Variants in IPO9 observed in about 807,000 individuals in gnomAD.
The protein encoded by IPO9 is importin-9.
IPO9 carries 28 observed loss-of-function variants against 128.6 expected under a neutral mutation model. The observed-to-expected ratio is 0.22, with a 90% CI of 0.16 to 0.30. The LOEUF (loss-of-function observed/expected upper bound fraction) is 0.30, where lower values mean the gene tolerates loss of function less well. Ranked by LOEUF, IPO9 falls within the 10% of genes least tolerant of loss-of-function variation. The pLI, the probability that IPO9 is intolerant of heterozygous loss-of-function variation, is 1.00. For missense variants in IPO9, 935 were observed against 1,293.9 expected, an observed-to-expected ratio of 0.72 and a Z score of 4.26; for synonymous variants, 455 against 475.8, an observed-to-expected ratio of 0.96 and a Z score of 0.57.
At chr1:201,874,070 C>T (rs926256395) in intron 20 of IPO9, among the ~76,000 whole-genome samples, 180 bp from the exon 21 acceptor site, 1 of 152,160 alleles carries the variant, frequency 6.6e-6, no homozygotes, top group Non-Finnish European at 1.5e-5. Context: ...TGAACTGTTA[C>T]AATACCAAAC....
intron 4 of IPO9, chr1:201,850,876 T>G (rs560268883): frequency 1.1e-4 from 17 of 152,318 alleles, no homozygotes; most frequent in African/African-American, 3.8e-4. Flanking sequence ...ACCTTGAGTA[T>G]TTGATCTTCA....
At chr1:201,829,495 C>T in intron 1 of IPO9, 123 bp downstream of exon 1, 3 of 1,014,024 alleles carry the variant, frequency 3.0e-6, no homozygotes, top group South Asian at 4.7e-5. Flanking sequence ...AGAAGTGGAG[C>T]AGGAAGCGAG....
At position 201,872,133 on chromosome 1, in the gene IPO9, G is replaced by T. The variant is rs551481790; in HGVS notation, c.2577-695G>T. ...GCCTGTAATCCCAGCTACTCGGGAG[G>T]CTAAGGCAGGAGAATCGCTTGAACC... is the stretch of plus-strand genomic sequence containing the variant. On this transcript the variant is annotated intron_variant, in intron 19 of 23. Coordinates refer to ENST00000361565, the MANE Select transcript of IPO9 (RefSeq NM_018085.5). Among the ~76,000 whole-genome samples the T allele has an allele frequency of 2.0e-5, 3 of 152,316 alleles. No individual in the cohort carries two copies. In the East Asian group the frequency reaches 5.8e-4, roughly 29 times the overall value.
chr1:201,860,695 A>G (rs747757450), intron 13 of IPO9, among the ~76,000 whole-genome samples: 1 of 152,250 alleles, frequency 6.6e-6, no homozygotes. Context: ...GTTACAAATT[A>G]TCAATAATTT....
chr1:201,858,565 C>A lies in IPO9; in HGVS notation c.1328+12C>A. On this transcript the variant is annotated intron_variant, in intron 12 of 23. Coordinates refer to ENST00000361565, the MANE Select transcript of IPO9 (RefSeq NM_018085.5). ...GGCACTGAGCACTGGTAAGAGTGAG[C>A]CGCTAATTGGTTAAGATGCTTTTGT... 2 of 1,445,376 alleles carry A rather than the reference C, an allele frequency of 1.4e-6. No individual in the cohort carries two copies. The highest frequency in any genetic ancestry group is 1.4e-5 in the African/African-American group (1 of 70,210). 89.5% of individuals were successfully genotyped at this position (1,445,376 alleles called of 1,614,324 possible).
At chr1:201,829,550 C>G (rs1482683383) in intron 1 of IPO9, 178 bp downstream of exon 1, 2 of 281,598 alleles carry the variant, frequency 7.1e-6, no homozygotes, top group Non-Finnish European at 1.1e-5. Context: ...AGAGGAGAGG[C>G]GCGCCTGAAG....
intron 14 of IPO9, among the ~76,000 whole-genome samples, chr1:201,866,052 G>A (rs1386362073): frequency 2.0e-5 from 3 of 152,168 alleles, no homozygotes; most frequent in African/African-American, 2.4e-5. Flanking sequence ...TTTGGAAGTC[G>A]GTGTTTCTTT....
At chr1:201,852,219 A>C (rs1260467659) in intron 5 of IPO9, 27 bp downstream of exon 5, 5 of 1,455,042 alleles carry the variant, frequency 3.4e-6, no homozygotes, top group Non-Finnish European at 4.8e-6. Context: ...CCAAGATTAT[A>C]GTGAGTTCAG....
chr1:201,863,351 C>CA (rs368821284), intron 13 of IPO9, 97 bp from the exon 14 acceptor site: 77,445 of 914,490 alleles, frequency 0.085, 11 homozygotes, highest in Middle Eastern at 0.096. Flanking sequence ...GACTCCATCT[C>CA]AAAAAAAAAA....
intron 1 of IPO9, among the ~76,000 whole-genome samples, chr1:201,846,327 T>C (rs1240097387): frequency 6.6e-6 from 1 of 152,206 alleles, no homozygotes; most frequent in Non-Finnish European, 1.5e-5. Flanking sequence ...CCTTTTAAGT[T>C]GTCCTCAGGA....
intron 1 of IPO9, among the ~76,000 whole-genome samples, chr1:201,843,708 A>C (rs952625060): frequency 6.6e-6 from 1 of 151,938 alleles, no homozygotes; most frequent in Non-Finnish European, 1.5e-5. Context: ...CACTCCTGCA[A>C]TTCCAGCTAT....
chr1:201,869,119 C>G (rs1382886263), intron 16 of IPO9, among the ~76,000 whole-genome samples: 1 of 152,182 alleles, frequency 6.6e-6, no homozygotes, highest in Non-Finnish European at 1.5e-5. Flanking sequence ...GGCATGGTGG[C>G]AGGCATCTGC....
chr1:201,831,876 T>G (rs1679839007), intron 1 of IPO9, among the ~76,000 whole-genome samples: 1 of 146,798 alleles, frequency 6.8e-6, no homozygotes, highest in Admixed American at 6.8e-5. Context: ...CATTTTAGTG[T>G]TTTTTGCTTT....
intron 1 of IPO9, among the ~76,000 whole-genome samples, chr1:201,844,257 T>C (rs905409476): frequency 6.6e-6 from 1 of 152,286 alleles, no homozygotes; most frequent in African/African-American, 2.4e-5. Flanking sequence ...CTCCCTAATA[T>C]GATATACTGA....
chr1:201,874,644 A>G (rs1680724119), intron 21 of IPO9, among the ~76,000 whole-genome samples, 188 bp from the exon 22 acceptor site: 1 of 152,174 alleles, frequency 6.6e-6, no homozygotes, highest in Non-Finnish European at 1.5e-5. Flanking sequence ...GCCTGTCAAC[A>G]CTTATATCTC....
intron 3 of IPO9, 134 bp downstream of exon 3, chr1:201,847,772 G>C (rs1030930552): frequency 1.9e-5 from 13 of 671,270 alleles, no homozygotes; most frequent in South Asian, 1.8e-4. Context: ...CTGGCATTGC[G>C]GGCATAGGGC....
chr1:201,863,072 C>A (rs751244480), intron 13 of IPO9, among the ~76,000 whole-genome samples: 1 of 151,740 alleles, frequency 6.6e-6, no homozygotes, highest in Non-Finnish European at 1.5e-5. Context: ...AATGGAGGGC[C>A]GGATGCGGTG....
chr1:201,841,331 T>C (rs1318253462), intron 1 of IPO9, among the ~76,000 whole-genome samples: 1 of 152,222 alleles, frequency 6.6e-6, no homozygotes, highest in Non-Finnish European at 1.5e-5. Context: ...TGTAATTGCT[T>C]TATATTTTAA....
intron 1 of IPO9, among the ~76,000 whole-genome samples, chr1:201,831,093 T>G (rs2102865037): frequency 6.6e-6 from 1 of 152,106 alleles, no homozygotes; most frequent in East Asian, 1.9e-4. Context: ...GCCTCAAACT[T>G]TTGGACTCAA....
Sources: allele counts gnomAD v4.1 joint callset (sites outside exome capture counted in the v4.1 genomes callset), GRCh38; gene constraint gnomAD v4.1.1; transcripts MANE v1.5; gene names NCBI Gene and HGNC (gene_info 2026-07-23, HGNC 2026-07-21).